The following NAV2 variants were observed in gnomAD, a reference collection of about 807,000 sequenced individuals.
NAV2 encodes the protein neuron navigator 2.
In NAV2, 54 loss-of-function variants were observed where a neutral mutation model predicts 223.2. That is an observed-to-expected ratio of 0.24 (90% CI 0.19 to 0.30). The LOEUF (loss-of-function observed/expected upper bound fraction) is 0.30. Ranked by LOEUF, NAV2 falls within the 10% of genes least tolerant of loss-of-function variation. NAV2 has a pLI of 1.00. For missense variants in NAV2, 2,806 were observed against 3,147.5 expected, an observed-to-expected ratio of 0.89 and a Z score of 2.60; for synonymous variants, 1,279 against 1,239.3, an observed-to-expected ratio of 1.03 and a Z score of -0.67.
Position 19,548,558 on chromosome 11 carries a change from C to T in NAV2, c.75+197531C>T, listed in dbSNP as rs117700514. 4.5e-4 allele frequency among the ~76,000 whole-genome samples: 68 copies of T among 152,166 alleles called. No homozygotes were observed. The East Asian group carries it at 6.2e-3, about 14-fold the overall frequency. On this transcript the variant is annotated intron_variant, in intron 1 of 37. Transcript: ENST00000360655. ...CCCTTGACCAATGTCCTGCCATCCA[C>T]GAGTAATAGTAAATTTAAAAACACT...
chr11:19,812,312 C>T (rs2058875655), intron 1 of NAV2, among the ~76,000 whole-genome samples: 1 of 152,044 alleles, frequency 6.6e-6, no homozygotes, highest in Non-Finnish European at 1.5e-5. Flanking sequence ...TCAAATATTA[C>T]CTGCTTAGAG....
At chr11:19,942,224 A>G (rs2046463598) in intron 8 of NAV2, among the ~76,000 whole-genome samples, 1 of 152,174 alleles carries the variant, frequency 6.6e-6, no homozygotes, top group Non-Finnish European at 1.5e-5. Flanking sequence ...TCATTGTCAG[A>G]GGAGGCATAA....
chr11:19,346,204 G>T (rs1253142459), upstream of NAV2, among the ~76,000 whole-genome samples: 2 of 152,194 alleles, frequency 1.3e-5, no homozygotes, highest in Non-Finnish European at 2.9e-5. Flanking sequence ...TCTGTGATCT[G>T]TGTATATGGA....
chr11:19,747,974 A>C (rs1438468363), intron 1 of NAV2, among the ~76,000 whole-genome samples: 1 of 152,178 alleles, frequency 6.6e-6, no homozygotes, highest in Admixed American at 6.5e-5. Flanking sequence ...GATGGTTTGC[A>C]GCCCAGGAAA....
intron 1 of NAV2, among the ~76,000 whole-genome samples, chr11:19,776,098 T>C (rs1279271775): frequency 7.0e-6 from 1 of 142,612 alleles, no homozygotes; most frequent in African/African-American, 2.6e-5. Flanking sequence ...CAATCCATGA[T>C]TTCTCATTAT....
chr11:19,916,233 A>G (rs796202280), intron 6 of NAV2, among the ~76,000 whole-genome samples: 20 of 152,342 alleles, frequency 1.3e-4, no homozygotes, highest in African/African-American at 4.8e-4. Flanking sequence ...TTTAACTGGA[A>G]GATAAATTAT....
chr11:19,575,230 T>A (rs781097183), intron 1 of NAV2: 3 of 153,668 alleles, frequency 2.0e-5, no homozygotes, highest in African/African-American at 4.8e-5. Flanking sequence ...ATTAGAGGGG[T>A]TCTTAGCAGC....
chr11:19,825,534 C>G (rs1040892753), intron 1 of NAV2, among the ~76,000 whole-genome samples: 2 of 152,174 alleles, frequency 1.3e-5, no homozygotes, highest in Admixed American at 1.3e-4. Flanking sequence ...CCATCTGCCT[C>G]TGGATCCATC....
intron 1 of NAV2, among the ~76,000 whole-genome samples, chr11:19,531,260 C>A (rs1409574468): frequency 1.3e-5 from 2 of 152,114 alleles, no homozygotes; most frequent in Non-Finnish European, 2.9e-5. Context: ...GTAATAGCAC[C>A]TAATTATAAG....
At chr11:20,005,600 G>A (rs2584838) in intron 11 of NAV2, among the ~76,000 whole-genome samples, 151,321 of 151,632 alleles carry the variant, frequency 1, 75,509 homozygotes, top group Middle Eastern at 1. Context: ...AGTCCTATCT[G>A]TAATAAGACA....
intron 5 of NAV2, among the ~76,000 whole-genome samples, chr11:19,886,795 C>T (rs990874757): frequency 6.6e-6 from 1 of 152,146 alleles, no homozygotes; most frequent in Admixed American, 6.5e-5. Flanking sequence ...GCGTGTCAAC[C>T]CTGTCCTGAG....
intron 3 of NAV2, among the ~76,000 whole-genome samples, chr11:19,844,532 C>A (rs921264452): frequency 1.4e-4 from 21 of 152,124 alleles, no homozygotes; most frequent in African/African-American, 5.1e-4. Context: ...TTACAGCATC[C>A]CAAATCTGAA....
chr11:19,661,145 T>TAA (rs752045734), intron 1 of NAV2, among the ~76,000 whole-genome samples: 17 of 152,322 alleles, frequency 1.1e-4, no homozygotes, highest in Non-Finnish European at 2.1e-4. Context: ...TTCAGCTTTC[T>TAA]GTCTGTATGA....
At chr11:19,838,712 C>T (rs1056514803) in intron 2 of NAV2, among the ~76,000 whole-genome samples, 1 of 152,182 alleles carries the variant, frequency 6.6e-6, no homozygotes, top group Non-Finnish European at 1.5e-5. Context: ...AGGCCTCTGC[C>T]TCCCGGGTTC....
At chr11:20,040,862 C>A (rs943368083) in intron 12 of NAV2, among the ~76,000 whole-genome samples, 2 of 152,156 alleles carry the variant, frequency 1.3e-5, no homozygotes, top group African/African-American at 4.8e-5. Context: ...GGGACTTTCT[C>A]GTTTTTTAAT....
intron 3 of NAV2, among the ~76,000 whole-genome samples, chr11:19,844,346 G>A (rs1158010608): frequency 6.6e-6 from 1 of 152,180 alleles, no homozygotes; most frequent in African/African-American, 2.4e-5. Context: ...TGTAGAACTG[G>A]TATGTGGAAA....
intron 1 of NAV2, among the ~76,000 whole-genome samples, chr11:19,693,064 C>T (rs1440777147): frequency 2.6e-5 from 4 of 152,264 alleles, no homozygotes; most frequent in African/African-American, 4.8e-5. Context: ...AAGGCTGGCA[C>T]TTGCCAATTA....
chr11:19,376,878 T>C (rs1376278910), intron 1 of NAV2, among the ~76,000 whole-genome samples: 1 of 152,222 alleles, frequency 6.6e-6, no homozygotes, highest in East Asian at 1.9e-4. Flanking sequence ...AACAAGCATG[T>C]ATTTCCCTGG....
At position 19,713,879 on chromosome 11, in the gene NAV2, G is replaced by A. The variant is rs990395832; in HGVS notation, c.184G>A (p.Val62Met). The A allele has an allele frequency of 3.1e-6, 5 of 1,613,622 alleles. No homozygotes were observed. The highest frequency in any genetic ancestry group is 2.2e-5 in the South Asian group (2 of 91,092). ...TAGCCAGATCCCCCTGAAATCGCAG[G>A]TGCTGCAGGGGCTGCAGGAGCCAGC... The part of the protein sequence containing the change: ...YPSQIPLKSQ[V>M]LQGLQEPAGE... Residue 62 changes from valine to methionine, a missense_variant, in exon 1 of 38, where the codon GTG (valine) becomes ATG (methionine). Physicochemically the swap from Val to Met is conservative, Grantham distance 21. Around this residue, in one of 4 missense-constraint regions of NAV2, gnomAD observed 1,167 missense variants for 1,180.5 expected, o/e 0.99. Transcript: ENST00000349880. The surrounding 1 kb of genome is among the most constrained non-coding windows in gnomAD (Gnocchi z 7.2).
Sources: gnomAD v4.1 joint callset for allele counts (sites outside exome capture counted in the v4.1 genomes callset) on GRCh38, gnomAD v4.1.1 for gene constraint, gnomAD v4.1.1 regional missense constraint, Gnocchi (gnomAD v3.1) non-coding constraint, MANE v1.5 for transcripts, NCBI Gene and HGNC (gene_info 2026-07-23, HGNC 2026-07-21) for gene names.